Variants in NEGR1 observed in about 807,000 individuals in gnomAD.
The protein encoded by NEGR1 is neuronal growth regulator 1.
Under a neutral mutation model 40.9 loss-of-function variants are expected in NEGR1, and 10 were observed. The ratio of observed to expected loss-of-function variants is 0.24; its 90% confidence interval spans 0.15 to 0.42. The LOEUF (loss-of-function observed/expected upper bound fraction) is 0.42, where lower values mean the gene tolerates loss of function less well. NEGR1 is among the 10% of genes least tolerant of loss of function. NEGR1 has a pLI of 1.00. For synonymous variants in NEGR1, 185 were observed against 166.8 expected, an observed-to-expected ratio of 1.11 and a Z score of -0.84; for missense variants, 352 against 438.9, an observed-to-expected ratio of 0.80 and a Z score of 1.77.
intron 3 of NEGR1, among the ~76,000 whole-genome samples, chr1:71,756,003 T>C (rs1289597233): frequency 6.6e-6 from 1 of 152,212 alleles, no homozygotes; most frequent in Non-Finnish European, 1.5e-5. Flanking sequence ...ATTGAAATCT[T>C]TAAGCCTCAA....
At chr1:71,784,594 G>T (rs1185765931) in intron 2 of NEGR1, among the ~76,000 whole-genome samples, 1 of 152,168 alleles carries the variant, frequency 6.6e-6, no homozygotes. Context: ...ATCAAGAAGA[G>T]AAGAAAGTAA....
intron 1 of NEGR1, among the ~76,000 whole-genome samples, chr1:72,189,001 T>C (rs1298093368): frequency 6.6e-6 from 1 of 151,500 alleles, no homozygotes; most frequent in Admixed American, 6.6e-5. Flanking sequence ...TATCATCTAA[T>C]GTGAAAGTAT....
intron 6 of NEGR1, among the ~76,000 whole-genome samples, chr1:71,512,584 ATTT>A (rs555856096): frequency 7.1e-6 from 1 of 141,754 alleles, no homozygotes; most frequent in African/African-American, 2.6e-5. Flanking sequence ...ATACTAATCG[ATTT>A]TTTTTTTTTT....
intron 3 of NEGR1, among the ~76,000 whole-genome samples, chr1:71,771,698 T>TAAAAAAAAA (rs1344503539): frequency 4.5e-4 from 1 of 2,228 alleles, no homozygotes; most frequent in Non-Finnish European, 2.6e-3. Context: ...AGACTTAGTC[T>TAAAAAAAAA]CAAAAAAAAA....
At chr1:71,855,266 C>T (rs1180492556) in intron 2 of NEGR1, among the ~76,000 whole-genome samples, 2 of 152,058 alleles carry the variant, frequency 1.3e-5, no homozygotes, top group Non-Finnish European at 2.9e-5. Context: ...CCCTGACCTG[C>T]CAAGTGGTTT....
At chr1:72,236,964 C>T (rs570019623) in intron 1 of NEGR1, among the ~76,000 whole-genome samples, 5 of 151,872 alleles carry the variant, frequency 3.3e-5, no homozygotes, top group African/African-American at 1.2e-4. Context: ...ATTTTCAATA[C>T]TATGCTGATT....
At chr1:71,758,007 T>C (rs1051831113) in intron 3 of NEGR1, among the ~76,000 whole-genome samples, 1 of 152,088 alleles carries the variant, frequency 6.6e-6, no homozygotes. Flanking sequence ...ATCTCTTTTG[T>C]GTAACAACCC....
At chr1:71,572,059 A>G (rs1402448867) in intron 6 of NEGR1, among the ~76,000 whole-genome samples, 1 of 152,162 alleles carries the variant, frequency 6.6e-6, no homozygotes, top group Non-Finnish European at 1.5e-5. Flanking sequence ...AGCTCTGAGT[A>G]TTAGCCTTTG....
chr1:71,450,850 G>A (rs945723622), intron 6 of NEGR1, among the ~76,000 whole-genome samples: 2 of 151,856 alleles, frequency 1.3e-5, no homozygotes, highest in African/African-American at 4.8e-5. Context: ...GAAAATAAGG[G>A]TAACTTTTTC....
Position 72,052,819 on chromosome 1 carries a change from A to G in NEGR1, c.177-117508T>C, listed in dbSNP as rs373733803. ...CTAATTTATTACATAGACTTTATGA[A>G]CAATTTTTCATTTCTGTTTATATTT... is the stretch of plus-strand genomic sequence containing the variant. On this transcript the variant is annotated intron_variant, in intron 1 of 6. Transcript: ENST00000357731. Among the ~76,000 whole-genome samples, 28 of 151,592 alleles carry G rather than the reference A, an allele frequency of 1.8e-4. 3 individuals carry two copies. The East Asian group carries it at 2.9e-3, about 16-fold the overall frequency.
intron 4 of NEGR1, among the ~76,000 whole-genome samples, chr1:71,669,705 C>CAGTGGCGCG (rs1404432266): frequency 6.6e-6 from 1 of 152,056 alleles, no homozygotes; most frequent in Non-Finnish European, 1.5e-5. Flanking sequence ...GGCTGGAGTG[C>CAGTGGCGCG]AGTGGCGCGA....
intron 1 of NEGR1, among the ~76,000 whole-genome samples, chr1:72,199,859 G>A (rs1236766794): frequency 6.6e-6 from 1 of 151,838 alleles, no homozygotes; most frequent in Non-Finnish European, 1.5e-5. Flanking sequence ...ATTAAAAAAT[G>A]GGCAAAGGAC....
At chr1:71,924,731 A>G (rs1645756222) in intron 2 of NEGR1, among the ~76,000 whole-genome samples, 2 of 152,226 alleles carry the variant, frequency 1.3e-5, no homozygotes, top group Admixed American at 6.5e-5. Context: ...GCTAGGGTAG[A>G]ATATATTTTG....
intron 4 of NEGR1, among the ~76,000 whole-genome samples, chr1:71,653,375 A>G (rs1651778622): frequency 6.6e-6 from 1 of 152,222 alleles, no homozygotes; most frequent in Non-Finnish European, 1.5e-5. Context: ...TTCTTTTCTA[A>G]AACTGAAAAA....
chr1:72,100,826 T>C (rs969912137), intron 1 of NEGR1: 2 of 152,322 alleles, frequency 1.3e-5, no homozygotes, highest in Non-Finnish European at 2.9e-5. Context: ...CTCACAGTTC[T>C]GGAGGCTGGA....
At chr1:72,063,808 G>A (rs543140190) in intron 1 of NEGR1, among the ~76,000 whole-genome samples, 2 of 152,004 alleles carry the variant, frequency 1.3e-5, no homozygotes, top group Admixed American at 1.3e-4. Context: ...GCTGTAACAA[G>A]CTACAAAGCC....
intron 1 of NEGR1, among the ~76,000 whole-genome samples, chr1:72,259,124 T>C (rs1302924394): frequency 6.6e-6 from 1 of 152,184 alleles, no homozygotes; most frequent in Non-Finnish European, 1.5e-5. Flanking sequence ...AAATGTTTTA[T>C]GACCTGGTAC....
chr1:71,500,961 C>A (rs357229), intron 6 of NEGR1, among the ~76,000 whole-genome samples: 81,660 of 151,676 alleles, frequency 0.54, 22,860 homozygotes, highest in Middle Eastern at 0.66. Context: ...GAATGCAGAA[C>A]CCACAAAGTC....
At chr1:71,824,112 T>G (rs1570397254) in intron 2 of NEGR1, among the ~76,000 whole-genome samples, 1 of 152,088 alleles carries the variant, frequency 6.6e-6, no homozygotes, top group East Asian at 1.9e-4. Context: ...ATCCTGTTTG[T>G]TTCCAGAGGA....
Sources: allele counts gnomAD v4.1 joint callset (sites outside exome capture counted in the v4.1 genomes callset), GRCh38; gene constraint gnomAD v4.1.1; transcripts MANE v1.5; gene names NCBI Gene and HGNC (gene_info 2026-07-23, HGNC 2026-07-21).